Variants in RNF152 observed in about 807,000 individuals in gnomAD.
RNF152 encodes the protein ring finger protein 152, also known as E3 ubiquitin-protein ligase RNF152.
Under a neutral mutation model 12.7 loss-of-function variants are expected in RNF152, and 11 were observed. The ratio of observed to expected loss-of-function variants is 0.86; its 90% CI spans 0.54 to 1.43. The LOEUF (loss-of-function observed/expected upper bound fraction) is 1.43, where lower values mean the gene tolerates loss of function less well. Ranked by LOEUF, RNF152 falls within the 40% of genes most tolerant of loss-of-function variation. The pLI, the probability that RNF152 is intolerant of heterozygous loss-of-function variation, is 0.00. For missense variants in RNF152, 255 were observed against 274.8 expected, an observed-to-expected ratio of 0.93 and a Z score of 0.51; for synonymous variants, 113 against 120.3, an observed-to-expected ratio of 0.94 and a Z score of 0.40.
rs961927914 is a variant in RNF152, at chr18:61,813,498, T to C, written c.*2354A>G. On this transcript the variant is annotated 3_prime_UTR_variant, in exon 2 of 2. Coordinates refer to ENST00000312828, the MANE Select transcript of RNF152 (RefSeq NM_173557.3). ...AGCCGATTAATTTTGCACTGCTTAA[T>C]GGCAACTCTAGCATGGGATTGTTTT... The C allele has an allele frequency of 6.6e-6, 1 of 152,336 alleles. No homozygotes were observed. The highest frequency in any genetic ancestry group is 2.4e-5 in the African/African-American group (1 of 41,578). The allele number at this position is 152,336 out of a possible 1,614,324, so 9.4% of individuals were successfully genotyped here.
intron 1 of RNF152, among the ~76,000 whole-genome samples, chr18:61,869,812 C>T (rs1047458755): frequency 6.6e-6 from 1 of 152,194 alleles, no homozygotes; most frequent in Non-Finnish European, 1.5e-5. Context: ...TCAGACAAGC[C>T]ACTTACCCAC....
chr18:61,885,562 C>A (rs1350270099), intron 1 of RNF152, among the ~76,000 whole-genome samples: 1 of 152,192 alleles, frequency 6.6e-6, no homozygotes, highest in African/African-American at 2.4e-5. Context: ...CCCGCCTCAG[C>A]CTCCCAAAGT....
chr18:61,868,898 T>C (rs993032546), intron 1 of RNF152, among the ~76,000 whole-genome samples: 1 of 152,114 alleles, frequency 6.6e-6, no homozygotes, highest in African/African-American at 2.4e-5. Flanking sequence ...ACCAGCAGCA[T>C]CCACACATCT....
At chr18:61,855,361 G>C (rs868024803) in intron 1 of RNF152, among the ~76,000 whole-genome samples, 2 of 152,246 alleles carry the variant, frequency 1.3e-5, no homozygotes, top group South Asian at 4.1e-4. Flanking sequence ...GAAGCGGCCT[G>C]TTTGGAGCAG....
At chr18:61,832,877 T>C (rs552033698) in intron 1 of RNF152, among the ~76,000 whole-genome samples, 20 of 152,340 alleles carry the variant, frequency 1.3e-4, no homozygotes, top group Admixed American at 1.2e-3. Context: ...TGGCATATCA[T>C]GACCTTCACT....
intron 1 of RNF152, among the ~76,000 whole-genome samples, chr18:61,820,328 CACCAAAAAAAAAAAAA>C (rs1490867703): frequency 7.1e-5 from 2 of 28,100 alleles, no homozygotes; most frequent in Non-Finnish European, 1.1e-4. Context: ...GACTCCGTCT[CACCAAAAAAAAAAAAA>C]AAAAAAAAAA....
At position 61,808,483 on chromosome 18, in the gene RNF152, C is replaced by T. The variant is rs938487508; in HGVS notation, c.*7369G>A. On this transcript the variant is annotated 3_prime_UTR_variant, in exon 2 of 2. Transcript: ENST00000312828. ...AGGATTTGAGTTAATAGCCTCTGAG[C>T]AGCATTAATATAGCCATTAGACTGG... 1 of 148,880 alleles carries T rather than the reference C, an allele frequency of 6.7e-6. No homozygotes were observed. Among genetic ancestry groups the T allele is most frequent in the African/African-American group, 2.5e-5 (1 of 40,180 alleles). 9.2% of individuals were successfully genotyped at this position (148,880 alleles called of 1,614,324 possible).
intron 1 of RNF152, among the ~76,000 whole-genome samples, chr18:61,879,492 A>G (rs1912361863): frequency 6.6e-6 from 1 of 152,156 alleles, no homozygotes; most frequent in Non-Finnish European, 1.5e-5. Context: ...TATGGTACTT[A>G]TAGCTTTCCA....
chr18:61,822,275 A>G (rs1339499912), intron 1 of RNF152, among the ~76,000 whole-genome samples: 10 of 152,208 alleles, frequency 6.6e-5, no homozygotes, highest in Non-Finnish European at 1.3e-4. Flanking sequence ...ATAACCTCAT[A>G]AAACAGTACA....
At chr18:61,860,954 CAGA>C (rs1911449053) in intron 1 of RNF152, among the ~76,000 whole-genome samples, 1 of 151,900 alleles carries the variant, frequency 6.6e-6, no homozygotes, top group African/African-American at 2.4e-5. Flanking sequence ...AAAAAGCTTA[CAGA>C]AGAAGGATAT....
At chr18:61,864,225 C>T (rs1911629247) in intron 1 of RNF152, among the ~76,000 whole-genome samples, 1 of 152,166 alleles carries the variant, frequency 6.6e-6, no homozygotes. Flanking sequence ...ATTTCAGACA[C>T]CAAGCATAAG....
At chr18:61,869,494 T>C (rs1300622472) in intron 1 of RNF152, among the ~76,000 whole-genome samples, 2 of 152,202 alleles carry the variant, frequency 1.3e-5, no homozygotes, top group Non-Finnish European at 2.9e-5. Context: ...GCACTAAAGG[T>C]GAACACCCAG....
chr18:61,831,180 G>A (rs1231183652), intron 1 of RNF152, among the ~76,000 whole-genome samples: 1 of 152,172 alleles, frequency 6.6e-6, no homozygotes. Flanking sequence ...GTACTTAGAA[G>A]CGGTTCTGTG....
In RNF152 at chr18:61,809,104, C is replaced by T. The variant is rs932608107; in HGVS notation, c.*6748G>A. On this transcript the variant is annotated 3_prime_UTR_variant, in exon 2 of 2. Transcript: ENST00000312828. ...TATCTGGCCTTCAGCTCCTATATGT[C>T]TTGTTTTGCAGCTATACTCTTCCTT... 4.6e-5 allele frequency: 7 copies of T among 152,270 alleles called. No individual in the cohort carries two copies. The highest frequency in any genetic ancestry group is 1.4e-4 in the African/African-American group (6 of 41,456). The allele number at this position is 152,270 out of a possible 1,614,324, so 9.4% of individuals were successfully genotyped here.
intron 1 of RNF152, among the ~76,000 whole-genome samples, chr18:61,851,772 A>T (rs1910991607): frequency 6.6e-6 from 1 of 152,216 alleles, no homozygotes. Context: ...GTTACATGGC[A>T]CTAGAGCCTC....
chr18:61,853,955 G>C (rs567273718), intron 1 of RNF152, among the ~76,000 whole-genome samples: 5 of 152,098 alleles, frequency 3.3e-5, no homozygotes, highest in African/African-American at 1.2e-4. Context: ...CTGCCCACCT[G>C]CCCATTTTTC....
At chr18:61,831,250 C>T (rs1279093357) in intron 1 of RNF152, among the ~76,000 whole-genome samples, 1 of 152,218 alleles carries the variant, frequency 6.6e-6, no homozygotes, top group Non-Finnish European at 1.5e-5. Flanking sequence ...TCCACAGCCA[C>T]TTCTCGTCTT....
At chr18:61,870,118 A>G (rs1911920731) in intron 1 of RNF152, among the ~76,000 whole-genome samples, 1 of 152,210 alleles carries the variant, frequency 6.6e-6, no homozygotes, top group Non-Finnish European at 1.5e-5. Flanking sequence ...TAATTTGAAA[A>G]CATGGAAATA....
chr18:61,877,815 G>A (rs965203325), intron 1 of RNF152, among the ~76,000 whole-genome samples: 1 of 152,182 alleles, frequency 6.6e-6, no homozygotes, highest in African/African-American at 2.4e-5. Flanking sequence ...TGGCACGGCT[G>A]CTTCAGCAAA....
Sources: gnomAD v4.1 joint callset for allele counts (sites outside exome capture counted in the v4.1 genomes callset) on GRCh38, gnomAD v4.1.1 for gene constraint, MANE v1.5 for transcripts, NCBI Gene and HGNC (gene_info 2026-07-23, HGNC 2026-07-21) for gene names.